CDH18: variants seen among roughly 807,000 people sequenced by gnomAD.
CDH18 encodes the protein cadherin-18.
CDH18 carries 31 observed loss-of-function variants against 67.9 expected under a neutral mutation model. That is an observed-to-expected ratio of 0.46 (90% CI 0.34 to 0.62). CDH18 has a LOEUF of 0.62. Among genes scored for constraint, CDH18 ranks in the 20% least tolerant of loss-of-function variants. The pLI is 0.01. For missense variants in CDH18, 890 were observed against 975.5 expected, an observed-to-expected ratio of 0.91 and a Z score of 1.17; for synonymous variants, 362 against 347.2, an observed-to-expected ratio of 1.04 and a Z score of -0.48.
intron 3 of CDH18, among the ~76,000 whole-genome samples, chr5:19,763,126 A>G (rs1460008203): frequency 6.6e-6 from 1 of 152,216 alleles, no homozygotes; most frequent in African/African-American, 2.4e-5. Context: ...GAGGGATAGC[A>G]TTAGGAGAAA....
intron 1 of CDH18, among the ~76,000 whole-genome samples, chr5:20,492,906 G>C (rs1451580973): frequency 6.6e-6 from 1 of 152,078 alleles, no homozygotes; most frequent in Non-Finnish European, 1.5e-5. Flanking sequence ...ACCTGGAAAA[G>C]AATAGATATT....
chr5:20,018,476 T>C (rs751038838), intron 2 of CDH18, among the ~76,000 whole-genome samples: 2 of 152,210 alleles, frequency 1.3e-5, no homozygotes, highest in Non-Finnish European at 2.9e-5. Flanking sequence ...CATTGAGCTT[T>C]GCTTTTGAAT....
intron 2 of CDH18, among the ~76,000 whole-genome samples, chr5:19,906,158 G>A (rs1259361520): frequency 6.6e-6 from 1 of 151,754 alleles, no homozygotes; most frequent in African/African-American, 2.4e-5. Context: ...TAGTGAAAGA[G>A]GTTAAAAAAA....
At chr5:19,628,080 C>G (rs1345956813) in intron 5 of CDH18, among the ~76,000 whole-genome samples, 1 of 152,058 alleles carries the variant, frequency 6.6e-6, no homozygotes, top group African/African-American at 2.4e-5. Flanking sequence ...TGGGAGGGAC[C>G]TGGTGGGAGA....
intron 1 of CDH18, among the ~76,000 whole-genome samples, chr5:20,567,081 G>T (rs115640584): frequency 2.5e-3 from 379 of 152,232 alleles, no homozygotes; most frequent in African/African-American, 8.7e-3. Flanking sequence ...TCTTTATTCA[G>T]TCAGTATTGA....
chr5:19,735,641 C>T (rs578246214), intron 4 of CDH18, among the ~76,000 whole-genome samples: 58 of 151,582 alleles, frequency 3.8e-4, no homozygotes, highest in African/African-American at 1.3e-3. Context: ...ATGATCCTCC[C>T]GCCTCGGCCT....
chr5:20,455,630 T>A (rs938459714), intron 1 of CDH18, among the ~76,000 whole-genome samples: 3 of 152,076 alleles, frequency 2.0e-5, no homozygotes, highest in Non-Finnish European at 4.4e-5. Context: ...TTTAATTAGA[T>A]CCATTCAAAT....
chr5:20,350,172 A>T (rs1452469657), intron 1 of CDH18, among the ~76,000 whole-genome samples: 1 of 152,150 alleles, frequency 6.6e-6, no homozygotes, highest in East Asian at 1.9e-4. Context: ...TTACAAAAAA[A>T]TTTCTTTTTG....
At chr5:20,420,891 CAT>C (rs1747810019) in intron 1 of CDH18, among the ~76,000 whole-genome samples, 1 of 151,114 alleles carries the variant, frequency 6.6e-6, no homozygotes, top group Non-Finnish European at 1.5e-5. Context: ...ATTGATTTTG[CAT>C]AGTTACTGCT....
At chr5:20,089,421 T>G (rs1745241395) in intron 2 of CDH18, among the ~76,000 whole-genome samples, 1 of 152,262 alleles carries the variant, frequency 6.6e-6, no homozygotes, top group Admixed American at 6.5e-5. Flanking sequence ...ACCTCATATA[T>G]TTTCTACCCA....
intron 1 of CDH18, among the ~76,000 whole-genome samples, chr5:20,392,203 A>T (rs1744922748): frequency 6.6e-6 from 1 of 151,908 alleles, no homozygotes; most frequent in East Asian, 1.9e-4. Flanking sequence ...CAACACAATG[A>T]CAGTGAGAAT....
At chr5:19,758,663 G>A (rs544581727) in intron 3 of CDH18, among the ~76,000 whole-genome samples, 109 of 152,268 alleles carry the variant, frequency 7.2e-4, no homozygotes, top group African/African-American at 2.5e-3. Context: ...TAAGCATTGC[G>A]CCTCTTTCTT....
At chr5:20,035,654 C>T (rs1459203620) in intron 2 of CDH18, among the ~76,000 whole-genome samples, 3 of 151,988 alleles carry the variant, frequency 2.0e-5, no homozygotes, top group African/African-American at 7.2e-5. Context: ...CCAATCACCT[C>T]CCACTGGGTC....
intron 1 of CDH18, among the ~76,000 whole-genome samples, chr5:20,377,128 A>C (rs568291353): frequency 6.6e-6 from 1 of 152,324 alleles, no homozygotes; most frequent in African/African-American, 2.4e-5. Flanking sequence ...TGGATAAGAA[A>C]GTAGAAACTC....
Position 19,571,510 on chromosome 5 carries a change from A to C in CDH18, c.1253+69T>G. The C allele has an allele frequency of 2.2e-6, 3 of 1,356,706 alleles. No individual in the cohort carries two copies. In the South Asian group the frequency reaches 4.3e-5, roughly 19 times the overall value. The allele number at this position is 1,356,706 out of a possible 1,614,324, so 84.0% of individuals were successfully genotyped here. A position where few individuals can be genotyped will look rare whatever the true frequency, so the allele number is the denominator to read the frequency against. ...AATAAAACATTTTAAGTGTAATTTT[A>C]TTCAAGTTTAATTAATGTGAGAGGC... On this transcript the variant is annotated intron_variant, in intron 8 of 12. Coordinates refer to ENST00000382275, the MANE Select transcript of CDH18 (RefSeq NM_004934.5).
At chr5:19,953,468 T>C (rs752037383) in intron 2 of CDH18, among the ~76,000 whole-genome samples, 2 of 152,034 alleles carry the variant, frequency 1.3e-5, no homozygotes, top group Non-Finnish European at 2.9e-5. Flanking sequence ...ATTATACTGA[T>C]ATATTTTTAT....
At chr5:20,505,364 A>G (rs1263685053) in intron 1 of CDH18, among the ~76,000 whole-genome samples, 1 of 152,240 alleles carries the variant, frequency 6.6e-6, no homozygotes, top group Non-Finnish European at 1.5e-5. Context: ...AACATTTTCT[A>G]TATATCAGAT....
At chr5:20,265,087 T>C (rs1744931232) in intron 1 of CDH18, among the ~76,000 whole-genome samples, 1 of 152,202 alleles carries the variant, frequency 6.6e-6, no homozygotes, top group African/African-American at 2.4e-5. Flanking sequence ...CAATTTTGCC[T>C]GAGAAAACAC....
intron 5 of CDH18, among the ~76,000 whole-genome samples, chr5:19,719,960 G>GAAAGAAAGAAA (rs1561140010): frequency 6.0e-5 from 6 of 100,484 alleles, no homozygotes; most frequent in African/African-American, 1.9e-4. Context: ...AAAGAAAGAA[G>GAAAGAAAGAAA]GAAAGAGTTA....
Sources: allele counts gnomAD v4.1 joint callset (sites outside exome capture counted in the v4.1 genomes callset), GRCh38; gene constraint gnomAD v4.1.1; transcripts MANE v1.5; gene names NCBI Gene and HGNC (gene_info 2026-07-23, HGNC 2026-07-21).